Variants in PTPRJ observed in about 807,000 individuals in gnomAD.
PTPRJ encodes the protein protein tyrosine phosphatase receptor type J.
In PTPRJ, 129 loss-of-function variants were observed where a neutral mutation model predicts 141.3. The ratio of observed to expected loss-of-function variants is 0.91; its 90% confidence interval spans 0.79 to 1.06. PTPRJ has a LOEUF of 1.06. Ranked by LOEUF, PTPRJ falls within the 50% of genes least tolerant of loss-of-function variation. The pLI is 0.00. For missense variants in PTPRJ, 1,601 were observed against 1,679.7 expected, an observed-to-expected ratio of 0.95 and a Z score of 0.82; for synonymous variants, 610 against 640.5, an observed-to-expected ratio of 0.95 and a Z score of 0.72.
chr11:48,107,849 A>G (rs1362845563), intron 1 of PTPRJ, among the ~76,000 whole-genome samples: 2 of 152,078 alleles, frequency 1.3e-5, no homozygotes, highest in Admixed American at 6.6e-5. Context: ...TTGGGAAGCC[A>G]AGGTGGGAGG....
chr11:48,087,233 C>T (rs954709945), intron 1 of PTPRJ, among the ~76,000 whole-genome samples: 6 of 152,120 alleles, frequency 3.9e-5, no homozygotes, highest in South Asian at 2.1e-4. Context: ...GAACACAGCC[C>T]GTGAAGTTTT....
chr11:48,082,573 T>C (rs1046979322), intron 1 of PTPRJ, among the ~76,000 whole-genome samples: 29 of 151,230 alleles, frequency 1.9e-4, no homozygotes, highest in Non-Finnish European at 3.4e-4. Flanking sequence ...TTTATTTTTT[T>C]TTTGTAGAGA....
intron 1 of PTPRJ, among the ~76,000 whole-genome samples, chr11:48,055,535 G>C (rs906739972): frequency 3.9e-5 from 6 of 152,288 alleles, no homozygotes; most frequent in African/African-American, 1.4e-4. Flanking sequence ...TTGAGGGCTG[G>C]TCTTATGACT....
At chr11:48,053,602 A>G (rs61470520) in intron 1 of PTPRJ, among the ~76,000 whole-genome samples, 10,611 of 143,622 alleles carry the variant, frequency 0.074, 1,321 homozygotes, top group African/African-American at 0.26. Flanking sequence ...TTTGAGAGAC[A>G]GTCTTGCTGT....
intron 4 of PTPRJ, 145 bp downstream of exon 4, chr11:48,121,411 C>A: frequency 1.1e-6 from 1 of 884,616 alleles, no homozygotes; most frequent in Non-Finnish European, 1.7e-6. Flanking sequence ...TGTTTCAAGC[C>A]TGGGATTTCT....
Position 48,164,362 on chromosome 11 carries a change from A to G in PTPRJ, c.3720-18A>G. On this transcript the variant is annotated intron_variant, in intron 23 of 24. Coordinates refer to ENST00000418331, the MANE Select transcript of PTPRJ (RefSeq NM_002843.4). The stretch of plus-strand genomic sequence containing the variant: ...CGAGGGAACCCACTGTAATAGGCTT[A>G]TTTCTCTTTTCTCTCAGTGCTGGGG... 6.2e-7 allele frequency: 1 copy of G among 1,612,794 alleles called. No individual in the cohort carries two copies. Among genetic ancestry groups the G allele is most frequent in the African/African-American group, 1.3e-5 (1 of 74,946 alleles).
rs1856801663 is a variant in PTPRJ, at chr11:48,125,023, T to A, written c.930T>A (p.Asp310Glu). ...RAGSPTAPVH[D>E]ESLVGPVDPS... ...GGAGCCCCACCGCCCCTGTGCATGA[T>A]GAGTCCCTCGTGGGACCTGTGGACC... Residue 310 changes from aspartate to glutamate, a missense_variant, in exon 6 of 25, where the codon GAT becomes GAA. Asp to Glu is a conservative substitution (Grantham distance 45). Coordinates refer to ENST00000418331, the MANE Select transcript of PTPRJ (RefSeq NM_002843.4). The A allele has an allele frequency of 1.2e-6, 2 of 1,614,038 alleles. No individual in the cohort carries two copies. The highest frequency in any genetic ancestry group is 2.7e-5 in the African/African-American group (2 of 74,930).
At chr11:47,982,773 T>G (rs1853944776) in intron 1 of PTPRJ, among the ~76,000 whole-genome samples, 1 of 152,086 alleles carries the variant, frequency 6.6e-6, no homozygotes, top group South Asian at 2.1e-4. Context: ...TTGGGTAAAT[T>G]TATTGCTTGC....
At chr11:48,023,952 C>T (rs1187596324) in intron 1 of PTPRJ, among the ~76,000 whole-genome samples, 1 of 151,876 alleles carries the variant, frequency 6.6e-6, no homozygotes, top group Non-Finnish European at 1.5e-5. Flanking sequence ...CAAAAATCCT[C>T]TTGGAAAACC....
chr11:48,063,188 C>T (rs1275183399), intron 1 of PTPRJ, among the ~76,000 whole-genome samples: 3 of 151,912 alleles, frequency 2.0e-5, no homozygotes, highest in African/African-American at 7.3e-5. Context: ...ATTAGCTGGG[C>T]GTGGTGGCAC....
intron 11 of PTPRJ, among the ~76,000 whole-genome samples, chr11:48,140,252 A>G (rs963818930): frequency 1.3e-5 from 2 of 151,928 alleles, no homozygotes; most frequent in Admixed American, 6.5e-5. Context: ...CTGGTCTTGA[A>G]CTCCTGACCT....
chr11:48,163,658 T>A (rs1310153145), intron 23 of PTPRJ, 40 bp downstream of exon 23: 5 of 1,571,686 alleles, frequency 3.2e-6, no homozygotes, highest in Non-Finnish European at 4.4e-6. Flanking sequence ...ATTTCAAATG[T>A]CATTATATAT....
At chr11:48,123,430 A>G (rs1223875559) in intron 4 of PTPRJ, among the ~76,000 whole-genome samples, 183 bp from the exon 5 acceptor site, 1 of 152,144 alleles carries the variant, frequency 6.6e-6, no homozygotes, top group Non-Finnish European at 1.5e-5. Flanking sequence ...GAAATGATGG[A>G]AATGCATTGG....
intron 1 of PTPRJ, among the ~76,000 whole-genome samples, chr11:48,031,651 C>G (rs778826884): frequency 2.6e-5 from 4 of 152,198 alleles, no homozygotes; most frequent in Non-Finnish European, 5.9e-5. Flanking sequence ...CCTGGCTGCG[C>G]TCCTTACTGC....
intron 1 of PTPRJ, among the ~76,000 whole-genome samples, chr11:48,043,732 G>T (rs1413237847): frequency 2.0e-5 from 3 of 152,174 alleles, no homozygotes; most frequent in Non-Finnish European, 2.9e-5. Flanking sequence ...TTGAGGAGGG[G>T]TCTGTGGGGT....
intron 1 of PTPRJ, among the ~76,000 whole-genome samples, chr11:48,033,761 G>C (rs1054176317): frequency 2.6e-5 from 4 of 152,262 alleles, no homozygotes; most frequent in African/African-American, 9.6e-5. Context: ...TGGCCCTTCA[G>C]GGGATTTGAA....
intron 2 of PTPRJ, among the ~76,000 whole-genome samples, chr11:48,111,859 C>T (rs1474289559): frequency 6.6e-6 from 1 of 152,042 alleles, no homozygotes; most frequent in Non-Finnish European, 1.5e-5. Flanking sequence ...CACAAGTCAG[C>T]TCATAACAGC....
chr11:48,001,698 A>G (rs575427228), intron 1 of PTPRJ, among the ~76,000 whole-genome samples: 2 of 152,274 alleles, frequency 1.3e-5, no homozygotes, highest in East Asian at 1.9e-4. Context: ...TTCATTTTAC[A>G]GGAGAGGAAA....
intron 1 of PTPRJ, among the ~76,000 whole-genome samples, chr11:48,006,152 A>G (rs1854615204): frequency 6.6e-6 from 1 of 152,090 alleles, no homozygotes; most frequent in Non-Finnish European, 1.5e-5. Flanking sequence ...GAGTTAGGAG[A>G]GTGGGTTGGA....
Sources: allele counts gnomAD v4.1 joint callset (sites outside exome capture counted in the v4.1 genomes callset), GRCh38; gene constraint gnomAD v4.1.1; transcripts MANE v1.5; gene names NCBI Gene and HGNC (gene_info 2026-07-23, HGNC 2026-07-21).